The following KLHL13 variants were observed in gnomAD, a reference collection of about 807,000 sequenced individuals.
KLHL13 encodes kelch-like protein 13.
A neutral mutation model predicts 37.1 loss-of-function variants in KLHL13; 10 were observed. The observed-to-expected ratio is 0.27, with a 90% CI of 0.17 to 0.46. The LOEUF is 0.46. Among genes scored for constraint, KLHL13 ranks in the 20% least tolerant of loss-of-function variants. The pLI is 1.00. For missense variants in KLHL13, 360 were observed against 509.3 expected (o/e 0.71, Z 2.82); for synonymous variants, 163 against 181.2 (o/e 0.90, Z 0.81).
intron 1 of KLHL13, chrX:117,948,092 T>G (rs1291731493): frequency 1.8e-5 from 2 of 110,745 alleles, no homozygotes; most frequent in Admixed American, 9.6e-5. Flanking sequence ...TGCAGACATT[T>G]TTCACTGTCA....
chrX:117,939,099 C>T (rs927822384), intron 2 of KLHL13, among the ~76,000 whole-genome samples: 15 of 110,160 alleles, frequency 1.4e-4, no homozygotes, highest in Non-Finnish European at 2.5e-4. Context: ...TAGCCCCCCA[C>T]CCCCTGAAAG....
chrX:117,943,382 G>C (rs1484142483), intron 2 of KLHL13, among the ~76,000 whole-genome samples: 1 of 110,878 alleles, frequency 9.0e-6, no homozygotes, highest in Non-Finnish European at 1.9e-5. Flanking sequence ...TCTCTTGCTA[G>C]GTTGGGGAAG....
intron 1 of KLHL13, among the ~76,000 whole-genome samples, chrX:118,011,680 A>G (rs1364460073): frequency 1.8e-5 from 2 of 111,262 alleles, no homozygotes; most frequent in African/African-American, 6.5e-5. Flanking sequence ...TCTGAGTCAG[A>G]CACCTGAGTG....
intron 2 of KLHL13, among the ~76,000 whole-genome samples, chrX:117,927,871 G>A (rs970533400): frequency 3.6e-5 from 4 of 111,724 alleles, no homozygotes; most frequent in South Asian, 3.8e-4. Context: ...GGAGTATGCT[G>A]AGGTCATGGA....
At chrX:118,071,161 A>G (rs938573507) in intron 1 of KLHL13, among the ~76,000 whole-genome samples, 1 of 111,784 alleles carries the variant, frequency 8.9e-6, no homozygotes, top group Admixed American at 9.5e-5. Flanking sequence ...TATCATTGTT[A>G]GACATTTGGG....
intron 2 of KLHL13, among the ~76,000 whole-genome samples, chrX:117,940,529 T>G (rs905560491): frequency 8.9e-6 from 1 of 111,961 alleles, no homozygotes; most frequent in African/African-American, 3.2e-5. Context: ...TAAATTACGT[T>G]GGGCAGTATG....
rs201859482 is a variant in KLHL13 at position 118,037,572 on chromosome X, C to T, written c.-56+78936G>A. ...GAACACATGGACACAGGAAGGGGAA[C>T]ATCACACTCTGGGGACTGTTGTGGG... On this transcript the variant is annotated intron_variant, in intron 1 of 6. Coordinates refer to the KLHL13 transcript ENST00000371882. Among the ~76,000 whole-genome samples the T allele has an allele frequency of 1.1e-4, 11 of 103,451 alleles. No individual in the cohort carries two copies. In the East Asian group the frequency reaches 3.4e-3, roughly 32 times the overall value. The allele number at this position is 103,451 out of a possible 115,157, so 89.8% of individuals were successfully genotyped here.
intron 1 of KLHL13, among the ~76,000 whole-genome samples, chrX:118,018,734 T>C (rs1428215571): frequency 9.0e-6 from 1 of 111,597 alleles, no homozygotes; most frequent in Non-Finnish European, 1.9e-5. Context: ...CTAGACATTT[T>C]TGTTACGGCT....
In KLHL13 at chrX:118,032,071, C is replaced by G. The variant is rs60656231; in HGVS notation, c.-56+84437G>C. ...CAGCGCACCAGGAGATTATATCCAG[C>G]ACCTGGCTCAGAGGGTCCTAGGCCC... On this transcript the variant is annotated intron_variant, in intron 1 of 6. Coordinates refer to the KLHL13 transcript ENST00000371882. Among the ~76,000 whole-genome samples the G allele has an allele frequency of 2.2e-3, 246 of 111,618 alleles. 2 individuals are homozygous for G. Among genetic ancestry groups the G allele is most frequent in the African/African-American group, 7.9e-3 (242 of 30,640 alleles).
intron 1 of KLHL13, among the ~76,000 whole-genome samples, chrX:118,010,105 G>C (rs1392073938): frequency 1.9e-5 from 2 of 104,633 alleles, no homozygotes; most frequent in Non-Finnish European, 3.9e-5. Flanking sequence ...TGCTGGAGAG[G>C]ATGTGGAGAA....
intron 1 of KLHL13, among the ~76,000 whole-genome samples, chrX:118,006,147 C>T (rs2053979192): frequency 9.0e-6 from 1 of 111,452 alleles, no homozygotes; most frequent in South Asian, 3.8e-4. Flanking sequence ...TTCTATCCAA[C>T]CCACAGAAAA....
chrX:117,923,617 A>G (rs779859408), intron 2 of KLHL13, among the ~76,000 whole-genome samples: 21 of 112,278 alleles, frequency 1.9e-4, no homozygotes, highest in African/African-American at 6.8e-4. Context: ...TTGGAATTGA[A>G]TAATGTCAGT....
At chrX:118,073,705 G>C (rs1478460865) in intron 1 of KLHL13, among the ~76,000 whole-genome samples, 1 of 111,921 alleles carries the variant, frequency 8.9e-6, no homozygotes, top group Non-Finnish European at 1.9e-5. Context: ...GGAAAAGAAT[G>C]GTTAAACTTT....
chrX:117,937,222 G>A (rs1932791561), intron 2 of KLHL13, among the ~76,000 whole-genome samples: 1 of 112,201 alleles, frequency 8.9e-6, no homozygotes, highest in Non-Finnish European at 1.9e-5. Context: ...AATGTTCCCT[G>A]TTAGTGCTTG....
At chrX:117,945,634 A>T in intron 1 of KLHL13, 59 bp from the exon 3 acceptor site, 3 of 994,027 alleles carry the variant, frequency 3.0e-6, no homozygotes, top group Non-Finnish European at 4.2e-6. Flanking sequence ...ATTTACAATG[A>T]GATTATTTAG....
At chrX:118,019,232 C>T (rs2054167300) in intron 1 of KLHL13, among the ~76,000 whole-genome samples, 1 of 111,730 alleles carries the variant, frequency 9.0e-6, no homozygotes, top group African/African-American at 3.2e-5. Flanking sequence ...CCCTGTGTTT[C>T]TATTTGACAT....
chrX:117,909,182 T>G, intron 5 of KLHL13, 119 bp downstream of exon 6: 2 of 636,013 alleles, frequency 3.1e-6, no homozygotes, highest in African/African-American at 2.2e-5. Context: ...AGAAAAATAG[T>G]TTTAAAATAA....
chrX:117,932,702 C>A (rs1210766252), intron 2 of KLHL13, among the ~76,000 whole-genome samples: 3 of 112,116 alleles, frequency 2.7e-5, no homozygotes, highest in Non-Finnish European at 5.7e-5. Context: ...GTCTCTCCAA[C>A]ATGCTGATTT....
chrX:117,945,315 A>T (rs1332015400), intron 2 of KLHL13, 119 bp downstream of exon 3: 6 of 668,145 alleles, frequency 9.0e-6, no homozygotes, highest in Non-Finnish European at 1.1e-5. Flanking sequence ...GTTACCATAC[A>T]TTTCCTATTC....
Sources: gnomAD v4.1 joint callset for allele counts (sites outside exome capture counted in the v4.1 genomes callset) on GRCh38, gnomAD v4.1.1 for gene constraint, MANE v1.5 for transcripts, NCBI Gene and HGNC (gene_info 2026-07-23, HGNC 2026-07-21) for gene names.